ARFGAP3: variants seen among roughly 807,000 people sequenced by gnomAD.
The protein encoded by ARFGAP3 is ADP-ribosylation factor GTPase-activating protein 3.
Under a neutral mutation model 75.0 loss-of-function variants are expected in ARFGAP3, and 72 were observed. The observed-to-expected ratio is 0.96, with a 90% CI of 0.79 to 1.17. The LOEUF is 1.17. Ranked by LOEUF, ARFGAP3 falls within the 50% of genes most tolerant of loss-of-function variation. The pLI, the probability that ARFGAP3 is intolerant of heterozygous loss-of-function variation, is 0.00. For synonymous variants in ARFGAP3, 221 were observed against 217.9 expected, an observed-to-expected ratio of 1.01 and a Z score of -0.13; for missense variants, 620 against 626.6, an observed-to-expected ratio of 0.99 and a Z score of 0.11.
At chr22:42,849,567 T>TC (rs1927179966) in intron 1 of ARFGAP3, among the ~76,000 whole-genome samples, 1 of 151,300 alleles carries the variant, frequency 6.6e-6, no homozygotes, top group East Asian at 1.9e-4. Flanking sequence ...TGGCTTTTTT[T>TC]TTTTTTTTTT....
At chr22:42,841,439 A>G (rs1466517572) in intron 2 of ARFGAP3, among the ~76,000 whole-genome samples, 1 of 152,222 alleles carries the variant, frequency 6.6e-6, no homozygotes, top group African/African-American at 2.4e-5. Flanking sequence ...ATCACAAGGT[A>G]GAAGAGACCT....
rs867422168 is a variant in ARFGAP3 at position 42,857,240 on chromosome 22, G to A, written c.-58C>T. On this transcript the variant is annotated 5_prime_UTR_variant, in exon 1 of 16. Transcript: ENST00000263245. ...GCCAACCGGTAAGAGTCGACGAAAA[G>A]CGGCTACCGCCTCAGCAGGAGCGAC... 46 of 1,488,448 alleles carry A rather than the reference G, an allele frequency of 3.1e-5. No individual in the cohort carries two copies. The African/African-American group carries it at 5.3e-4, about 17-fold the overall frequency. The allele number at this position is 1,488,448 out of a possible 1,614,324, so 92.2% of individuals were successfully genotyped here. A position where few individuals can be genotyped will look rare whatever the true frequency, so the allele number is the denominator to read the frequency against.
chr22:42,853,868 C>A lies in ARFGAP3; in HGVS notation c.69+3246G>T. ...TGAAAATCATCAAAGGCAAGTTGTT[C>A]TGTAAGCGACAGAAGCACCATGCTG... On this transcript the variant is annotated intron_variant, in intron 1 of 15. Transcript: ENST00000263245. 4 of 176,176 alleles carry A rather than the reference C, an allele frequency of 2.3e-5. No homozygotes were observed. In the South Asian group the frequency reaches 5.9e-4, roughly 26 times the overall value. 10.9% of individuals were successfully genotyped at this position (176,176 alleles called of 1,614,324 possible).
intron 6 of ARFGAP3, among the ~76,000 whole-genome samples, chr22:42,830,964 T>C (rs1255210522): frequency 1.3e-5 from 2 of 152,192 alleles, no homozygotes; most frequent in Non-Finnish European, 1.5e-5. Flanking sequence ...GTAATATTTT[T>C]CCCCCACTTT....
At chr22:42,802,240 TG>T (rs1924894122) in intron 14 of ARFGAP3, among the ~76,000 whole-genome samples, 1 of 151,414 alleles carries the variant, frequency 6.6e-6, no homozygotes, top group African/African-American at 2.4e-5. Context: ...TGGTGTGACG[TG>T]GGAGGTGGAA....
At chr22:42,806,580 C>T (rs1221426995) in intron 14 of ARFGAP3, among the ~76,000 whole-genome samples, 3 of 152,254 alleles carry the variant, frequency 2.0e-5, no homozygotes, top group Non-Finnish European at 4.4e-5. Flanking sequence ...ACCCCTGGGG[C>T]CTGCTGTGTG....
Position 42,823,649 on chromosome 22 carries a change from TACTC to T in ARFGAP3, c.672+3_672+6del, listed in dbSNP as rs777526856. 5.8e-6 allele frequency: 9 copies of T among 1,554,338 alleles called. No homozygotes were observed. Among genetic ancestry groups the T allele is most frequent in the Non-Finnish European group, 7.0e-6 (8 of 1,143,062 alleles). ...AGATTTTTATATATAAAGTACATAA[TACTC>T]ACGCCTTTTTTAGCTTGATTTGGTT... On this transcript the variant is annotated splice_donor_5th_base_variant and intron_variant, in intron 8 of 15. Transcript: ENST00000263245.
intron 9 of ARFGAP3, 107 bp downstream of exon 9, chr22:42,822,163 C>G: frequency 4.6e-4 from 330 of 710,932 alleles, no homozygotes; most frequent in Middle Eastern, 1.3e-3. Context: ...TTTTGCAGTA[C>G]CCTCCCTTCC....
chr22:42,830,543 C>T (rs1007578425), intron 6 of ARFGAP3, among the ~76,000 whole-genome samples: 1 of 152,218 alleles, frequency 6.6e-6, no homozygotes, highest in African/African-American at 2.4e-5. Flanking sequence ...CATGAACTCA[C>T]TGCTTAGTTG....
chr22:42,840,783 C>T (rs1926746507), intron 3 of ARFGAP3, among the ~76,000 whole-genome samples, 161 bp downstream of exon 3: 2 of 152,052 alleles, frequency 1.3e-5, no homozygotes, highest in South Asian at 4.1e-4. Flanking sequence ...TGGTCTTGAA[C>T]TCCTGGGCTC....
chr22:42,840,734 GT>G (rs960985466), intron 3 of ARFGAP3, among the ~76,000 whole-genome samples: 3 of 151,938 alleles, frequency 2.0e-5, no homozygotes, highest in Admixed American at 2.0e-4. Flanking sequence ...TGACTTGTTT[GT>G]TTTTTATAAA....
intron 11 of ARFGAP3, among the ~76,000 whole-genome samples, chr22:42,816,268 C>G (rs1337466588): frequency 1.3e-5 from 2 of 152,146 alleles, no homozygotes; most frequent in Non-Finnish European, 2.9e-5. Flanking sequence ...CTCACACAAC[C>G]CTATTGGGTA....
At chr22:42,819,886 T>C (rs1184767709) in intron 9 of ARFGAP3, among the ~76,000 whole-genome samples, 1 of 152,154 alleles carries the variant, frequency 6.6e-6, no homozygotes, top group Admixed American at 6.5e-5. Context: ...AGTGGTGTGG[T>C]TGTTCTGAAC....
chr22:42,840,528 C>T (rs932688917), intron 3 of ARFGAP3, among the ~76,000 whole-genome samples: 4 of 151,796 alleles, frequency 2.6e-5, no homozygotes, highest in South Asian at 2.1e-4. Context: ...GCAACTCTCC[C>T]GCCTCAGCCT....
At chr22:42,843,811 G>T (rs1309309063) in intron 2 of ARFGAP3, among the ~76,000 whole-genome samples, 1 of 152,178 alleles carries the variant, frequency 6.6e-6, no homozygotes, top group Admixed American at 6.5e-5. Flanking sequence ...GGGAGGAGCA[G>T]CCTGAAACAT....
intron 8 of ARFGAP3, 25 bp from the exon 9 acceptor site, chr22:42,822,434 C>T: frequency 6.2e-7 from 1 of 1,604,116 alleles, no homozygotes. Context: ...AGACTATAGT[C>T]TACACGAGCT....
chr22:42,805,159 C>T (rs534635804), intron 14 of ARFGAP3, among the ~76,000 whole-genome samples: 3 of 152,092 alleles, frequency 2.0e-5, no homozygotes, highest in Non-Finnish European at 2.9e-5. Flanking sequence ...ACAATGACCA[C>T]GAGGTGCCAG....
At chr22:42,821,673 C>T (rs1282484674) in intron 9 of ARFGAP3, among the ~76,000 whole-genome samples, 4 of 152,176 alleles carry the variant, frequency 2.6e-5, no homozygotes, top group African/African-American at 7.2e-5. Flanking sequence ...TTAGGATTAA[C>T]GCCACTATGA....
At chr22:42,830,680 T>C (rs373541295) in intron 6 of ARFGAP3, among the ~76,000 whole-genome samples, 12 of 152,382 alleles carry the variant, frequency 7.9e-5, no homozygotes, top group South Asian at 4.1e-4. Flanking sequence ...GCAACTGATA[T>C]ATTTACAATA....
Sources: allele counts gnomAD v4.1 joint callset (sites outside exome capture counted in the v4.1 genomes callset), GRCh38; gene constraint gnomAD v4.1.1; transcripts MANE v1.5; gene names NCBI Gene and HGNC (gene_info 2026-07-23, HGNC 2026-07-21).